The following IQGAP2 variants were observed in gnomAD, a reference collection of about 807,000 sequenced individuals.
IQGAP2 encodes IQ motif containing GTPase activating protein 2.
Under a neutral mutation model 201.3 loss-of-function variants are expected in IQGAP2, and 173 were observed. The ratio of observed to expected loss-of-function variants is 0.86; its 90% CI spans 0.76 to 0.98. IQGAP2 has a LOEUF of 0.98. IQGAP2 is among the 50% of genes least tolerant of loss of function. IQGAP2 has a pLI of 0.00. For synonymous variants in IQGAP2, 675 were observed against 673.9 expected (o/e 1.00, Z -0.03); for missense variants, 1,687 against 1,864.8 (o/e 0.90, Z 1.76).
At chr5:76,584,999 T>G (rs1184232717) in intron 5 of IQGAP2, among the ~76,000 whole-genome samples, 2 of 152,186 alleles carry the variant, frequency 1.3e-5, no homozygotes, top group Non-Finnish European at 2.9e-5. Context: ...GAACCAAAGA[T>G]AAAACTCTAA....
intron 3 of IQGAP2, among the ~76,000 whole-genome samples, chr5:76,567,899 A>G (rs1744863854): frequency 6.6e-6 from 1 of 151,656 alleles, no homozygotes; most frequent in Admixed American, 6.6e-5. Context: ...AACAGCATAT[A>G]CTTCCTGGTC....
chr5:76,673,856 C>T, intron 25 of IQGAP2, 96 bp from the exon 26 acceptor site: 1 of 789,000 alleles, frequency 1.3e-6, no homozygotes, highest in Non-Finnish European at 2.1e-6. Flanking sequence ...TTTAGAAAAA[C>T]TACTCAGCTG....
intron 11 of IQGAP2, among the ~76,000 whole-genome samples, chr5:76,604,143 G>C (rs977200598): frequency 1.3e-5 from 2 of 151,782 alleles, no homozygotes; most frequent in African/African-American, 4.8e-5. Flanking sequence ...CCCACCCCCT[G>C]ACATGCCTCG....
intron 28 of IQGAP2, among the ~76,000 whole-genome samples, chr5:76,678,693 G>A (rs1185816567): frequency 6.6e-6 from 1 of 152,150 alleles, no homozygotes; most frequent in African/African-American, 2.4e-5. Context: ...CCCAACTTTG[G>A]ATTATACAGA....
At chr5:76,583,306 C>T (rs556969872) in intron 5 of IQGAP2, among the ~76,000 whole-genome samples, 1 of 152,164 alleles carries the variant, frequency 6.6e-6, no homozygotes, top group Non-Finnish European at 1.5e-5. Context: ...ACTGGGTAAA[C>T]ACAGTTTCCT....
intron 2 of IQGAP2, among the ~76,000 whole-genome samples, chr5:76,507,027 T>C (rs1757639905): frequency 6.6e-6 from 1 of 152,182 alleles, no homozygotes; most frequent in African/African-American, 2.4e-5. Context: ...CTAAAGTTTA[T>C]AGATAGAGGC....
chr5:76,475,171 G>A (rs1360768632), intron 2 of IQGAP2, among the ~76,000 whole-genome samples: 1 of 152,146 alleles, frequency 6.6e-6, no homozygotes, highest in Non-Finnish European at 1.5e-5. Flanking sequence ...AGGGGAGAGA[G>A]GAAGGATACT....
chr5:76,686,044 A>G (rs1054252407), intron 30 of IQGAP2, among the ~76,000 whole-genome samples: 4 of 152,186 alleles, frequency 2.6e-5, no homozygotes, highest in African/African-American at 7.2e-5. Context: ...TACTTTTCCA[A>G]TGACCAGTAA....
intron 13 of IQGAP2, among the ~76,000 whole-genome samples, chr5:76,621,905 G>A (rs1749716053): frequency 2.0e-5 from 3 of 152,126 alleles, no homozygotes; most frequent in Admixed American, 1.3e-4. Context: ...GGCCTCTCAG[G>A]GGTGTCCAAG....
chr5:76,577,564 G>A (rs564875037), intron 5 of IQGAP2, among the ~76,000 whole-genome samples: 1 of 152,078 alleles, frequency 6.6e-6, no homozygotes, highest in Non-Finnish European at 1.5e-5. Context: ...GCTTTTCTTT[G>A]TTCTAAATTA....
chr5:76,647,331 G>A (rs2059222), intron 17 of IQGAP2, among the ~76,000 whole-genome samples: 42,912 of 151,978 alleles, frequency 0.28, 6,216 homozygotes, highest in Middle Eastern at 0.45. Flanking sequence ...CCTGGAGCTG[G>A]AGAGGCTGGC....
chr5:76,443,048 C>T (rs370628785), intron 1 of IQGAP2, among the ~76,000 whole-genome samples: 3 of 152,022 alleles, frequency 2.0e-5, no homozygotes, highest in East Asian at 1.9e-4. Context: ...AAAGACCACA[C>T]GTAATCTGCT....
Position 76,620,399 on chromosome 5 carries a change from G to T in IQGAP2, c.1522-7011G>T, listed in dbSNP as rs117743522. On this transcript the variant is annotated intron_variant, in intron 13 of 35. Coordinates refer to ENST00000274364, the MANE Select transcript of IQGAP2 (RefSeq NM_006633.5). ...TGGCTTTGGGGTGCAGTGAGGGAGA[G>T]GCAGGAAGCAATAATGACTCAGGTT... is the stretch of plus-strand genomic sequence containing the variant. Among the ~76,000 whole-genome samples the T allele has an allele frequency of 2.5e-4, 38 of 152,168 alleles. No individual in the cohort carries two copies. In the East Asian group the frequency reaches 5.0e-3, roughly 20 times the overall value.
rs142103523 is a variant in IQGAP2 at position 76,649,823 on chromosome 5, G to A, written c.2095-2927G>A. Among the ~76,000 whole-genome samples the A allele has an allele frequency of 9.2e-3, 1,402 of 152,350 alleles. 21 individuals are homozygous for A. The highest frequency in any genetic ancestry group is 0.032 in the African/African-American group (1,312 of 41,584). On this transcript the variant is annotated intron_variant, in intron 17 of 35. Transcript: ENST00000274364. ...TCTTCATGACAGTTCTGCTCCTGCA[G>A]CAGGCTTCTGCCTGGACACCCAGGC...
At chr5:76,565,815 T>C (rs1187003191) in intron 3 of IQGAP2, among the ~76,000 whole-genome samples, 1 of 152,158 alleles carries the variant, frequency 6.6e-6, no homozygotes, top group Non-Finnish European at 1.5e-5. Flanking sequence ...ACTCTTCCTC[T>C]AAGAACGGTG....
At chr5:76,669,404 C>T (rs921290970) in intron 23 of IQGAP2, among the ~76,000 whole-genome samples, 2 of 152,146 alleles carry the variant, frequency 1.3e-5, no homozygotes, top group Admixed American at 6.5e-5. Flanking sequence ...GGCACCTCTG[C>T]CCACCAGGTG....
intron 21 of IQGAP2, among the ~76,000 whole-genome samples, chr5:76,664,723 G>C (rs1743584743): frequency 6.6e-6 from 1 of 151,860 alleles, no homozygotes; most frequent in Admixed American, 6.6e-5. Flanking sequence ...CCCCGTAATA[G>C]ATAGTATAAT....
intron 33 of IQGAP2, among the ~76,000 whole-genome samples, 191 bp downstream of exon 33, chr5:76,698,338 A>G (rs1746946336): frequency 6.6e-6 from 1 of 152,220 alleles, no homozygotes; most frequent in Admixed American, 6.5e-5. Context: ...AAGCTTTTCA[A>G]TTCCCCACCA....
At chr5:76,611,329 C>A in intron 13 of IQGAP2, 146 bp downstream of exon 13, 1 of 607,282 alleles carries the variant, frequency 1.6e-6, no homozygotes, top group Non-Finnish European at 2.8e-6. Flanking sequence ...AATAATAGAG[C>A]TGTTATTTTC....
Sources: allele counts gnomAD v4.1 joint callset (sites outside exome capture counted in the v4.1 genomes callset), GRCh38; gene constraint gnomAD v4.1.1; transcripts MANE v1.5; gene names NCBI Gene and HGNC (gene_info 2026-07-23, HGNC 2026-07-21).